Variants in RFTN1 observed in about 807,000 individuals in gnomAD.
The protein encoded by RFTN1 is raftlin.
In RFTN1, 26 loss-of-function variants were observed where a neutral mutation model predicts 46.5. That is an observed-to-expected ratio of 0.56 (90% CI 0.41 to 0.78). RFTN1 has a LOEUF of 0.78. Among genes scored for constraint, RFTN1 ranks in the 30% least tolerant of loss-of-function variants. The probability of loss-of-function intolerance (pLI) is 0.00; values close to 1 mark genes in which losing one functional copy is unlikely to be tolerated. For missense variants in RFTN1, 693 were observed against 718.7 expected (o/e 0.96, Z 0.41); for synonymous variants, 261 against 284.2 (o/e 0.92, Z 0.82).
chr3:16,406,248 G>A (rs1295042989), intron 4 of RFTN1, among the ~76,000 whole-genome samples: 1 of 152,192 alleles, frequency 6.6e-6, no homozygotes, highest in Admixed American at 6.5e-5. Context: ...AAGAGGAGCA[G>A]GGAGAAGGGG....
rs1044792266 is a variant in RFTN1 at position 16,500,972 on chromosome 3, C to T, written c.-8-7095G>A. On this transcript the variant is annotated intron_variant, in intron 1 of 9. Coordinates refer to ENST00000334133, the MANE Select transcript of RFTN1 (RefSeq NM_015150.2). The surrounding 1 kb of genome is among the most constrained non-coding windows in gnomAD (Gnocchi z 5.9). ...GAATGCGGGAGCATTCGGAACAAATCGCTGTTATATAAAACAGAGATGGGT... is the reference window on the plus strand; with the variant it reads ...GAATGCGGGAGCATTCGGAACAAATTGCTGTTATATAAAACAGAGATGGGT... 3.3e-5 allele frequency among the ~76,000 whole-genome samples: 5 copies of T among 152,176 alleles called. No individual in the cohort carries two copies. Among genetic ancestry groups the T allele is most frequent in the Admixed American group, 2.6e-4 (4 of 15,276 alleles).
intron 4 of RFTN1, among the ~76,000 whole-genome samples, chr3:16,386,931 C>A (rs712875): frequency 0.54 from 82,796 of 152,028 alleles, 23,987 homozygotes; most frequent in South Asian, 0.87. Flanking sequence ...CCATGGGATG[C>A]TGATTTGTCA....
intron 2 of RFTN1, among the ~76,000 whole-genome samples, chr3:16,469,631 G>A (rs79858553): frequency 2.0e-5 from 3 of 152,206 alleles, no homozygotes; most frequent in East Asian, 1.9e-4. Context: ...CAGAGGGAAG[G>A]GGGGAAGAGA....
At position 16,452,414 on chromosome 3, in the gene RFTN1, T is replaced by C. The variant is rs922301482; in HGVS notation, c.146-18377A>G. ...TCTCCCTCCATCTTCACAATGTTGA[T>C]TGAAATGCTTAGCTACTGTATCATG... On this transcript the variant is annotated intron_variant, in intron 2 of 9. Transcript: ENST00000334133. The surrounding 1 kb of genome is among the most constrained non-coding windows in gnomAD (Gnocchi z 6.3). Among the ~76,000 whole-genome samples, 13 of 152,208 alleles carry C rather than the reference T, an allele frequency of 8.5e-5. No homozygotes were observed. Among genetic ancestry groups the C allele is most frequent in the African/African-American group, 1.9e-4 (8 of 41,452 alleles).
At chr3:16,411,917 A>G (rs2074987611) in intron 3 of RFTN1, among the ~76,000 whole-genome samples, 1 of 152,238 alleles carries the variant, frequency 6.6e-6, no homozygotes, top group Non-Finnish European at 1.5e-5. Flanking sequence ...GATGAACAAA[A>G]GGAAGACAAG....
intron 2 of RFTN1, among the ~76,000 whole-genome samples, chr3:16,471,192 G>A (rs892824965): frequency 1.3e-5 from 2 of 152,188 alleles, no homozygotes; most frequent in South Asian, 2.1e-4. Flanking sequence ...AGACAAAAAT[G>A]TGTGACTATA....
At chr3:16,409,552 T>C (rs1413837724) in intron 3 of RFTN1, 69 bp from the exon 4 acceptor site, 13 of 1,105,494 alleles carry the variant, frequency 1.2e-5, no homozygotes, top group Non-Finnish European at 1.8e-5. Flanking sequence ...AGTCTCACTC[T>C]TGTCACCCAG....
At chr3:16,368,228 G>C (rs948664529) in intron 6 of RFTN1, among the ~76,000 whole-genome samples, 15 of 152,164 alleles carry the variant, frequency 9.9e-5, no homozygotes, top group African/African-American at 3.1e-4. Flanking sequence ...TACCGCCACT[G>C]GTGTTTTATG....
At chr3:16,461,372 T>C (rs992721442) in intron 2 of RFTN1, among the ~76,000 whole-genome samples, 14 of 152,224 alleles carry the variant, frequency 9.2e-5, no homozygotes, top group African/African-American at 2.9e-4. Context: ...GGAATAATTA[T>C]CCATTTTAAA....
In RFTN1 at chr3:16,387,554, C is replaced by T. The variant is rs904638864; in HGVS notation, c.442-9452G>A. On this transcript the variant is annotated intron_variant, in intron 4 of 9. Transcript: ENST00000334133. The surrounding 1 kb of genome is among the most constrained non-coding windows in gnomAD (Gnocchi z 5.2). Reference sequence around the variant, plus strand: ...CAGCTCTACTTAGGACCACTTCTCTCTTCTATATCCTCAATTTCTCTCTCT... The same window carrying T: ...CAGCTCTACTTAGGACCACTTCTCTTTTCTATATCCTCAATTTCTCTCTCT... Among the ~76,000 whole-genome samples, 1 of 143,940 alleles carries T rather than the reference C, an allele frequency of 6.9e-6. No homozygotes were observed. The highest frequency in any genetic ancestry group is 1.5e-5 in the Non-Finnish European group (1 of 66,028). 94.4% of individuals were successfully genotyped at this position (143,940 alleles called of 152,430 possible).
rs889669884 is a variant in RFTN1 at position 16,509,757 on chromosome 3, C to T, written c.-9+3685G>A. On this transcript the variant is annotated intron_variant, in intron 1 of 9. Coordinates refer to ENST00000334133, the MANE Select transcript of RFTN1 (RefSeq NM_015150.2). The surrounding 1 kb of genome is among the most constrained non-coding windows in gnomAD (Gnocchi z 4.9). ...CTGTCAACCTCCAGAGAGGCGATCACCCAGATGGGTATCACGAGTCACGAA... is the reference window on the plus strand; with the variant it reads ...CTGTCAACCTCCAGAGAGGCGATCATCCAGATGGGTATCACGAGTCACGAA... Among the ~76,000 whole-genome samples, 18 of 152,290 alleles carry T rather than the reference C, an allele frequency of 1.2e-4. No individual in the cohort carries two copies. The highest frequency in any genetic ancestry group is 4.1e-4 in the African/African-American group (17 of 41,552).
At chr3:16,414,258 A>G (rs190100284) in intron 3 of RFTN1, among the ~76,000 whole-genome samples, 34 of 151,728 alleles carry the variant, frequency 2.2e-4, no homozygotes, top group African/African-American at 7.2e-4. Flanking sequence ...GACATGCATG[A>G]GCACCTAACA....
chr3:16,389,495 CG>C (rs11367496), intron 4 of RFTN1, among the ~76,000 whole-genome samples: 121,921 of 151,936 alleles, frequency 0.8, 49,311 homozygotes, highest in African/African-American at 0.91. Flanking sequence ...GGTTTTTTTT[CG>C]GGGGGGAGGG....
chr3:16,319,941 G>A (rs1317800603), intron 9 of RFTN1, among the ~76,000 whole-genome samples: 8 of 152,024 alleles, frequency 5.3e-5, no homozygotes. Flanking sequence ...TAACCAGCAA[G>A]CCGCAGATAA....
chr3:16,380,562 G>A lies in RFTN1; in HGVS notation c.442-2460C>T, dbSNP rs2073952030. ...TCTTGTACTGCAAATTTATCCTCTA[G>A]GCCAGGGGTTCTCAAAGTGTGGGCC... On this transcript the variant is annotated intron_variant, in intron 4 of 9. Transcript: ENST00000334133. The surrounding 1 kb of genome is among the most constrained non-coding windows in gnomAD (Gnocchi z 4.8). Among the ~76,000 whole-genome samples, 1 of 152,150 alleles carries A rather than the reference G, an allele frequency of 6.6e-6. No individual in the cohort carries two copies. The highest frequency in any genetic ancestry group is 1.5e-5 in the Non-Finnish European group (1 of 68,040).
Position 16,451,096 on chromosome 3 carries a change from A to G in RFTN1, c.146-17059T>C, listed in dbSNP as rs965457501. ...GGCTTGGATAAACTCTCATTATGAG[A>G]AAACATGCAGACAGAAGATCAGGTC... On this transcript the variant is annotated intron_variant, in intron 2 of 9. Coordinates refer to ENST00000334133, the MANE Select transcript of RFTN1 (RefSeq NM_015150.2). This position sits in a 1 kb window ranked among gnomAD's most constrained non-coding sequence, Gnocchi z 4.2. 6.6e-6 allele frequency among the ~76,000 whole-genome samples: 1 copy of G among 152,206 alleles called. No homozygotes were observed. The highest frequency in any genetic ancestry group is 1.5e-5 in the Non-Finnish European group (1 of 68,040).
rs1385379479 is a variant in RFTN1, at chr3:16,387,913, CCA to C, written c.442-9813_442-9812del. 2.0e-5 allele frequency among the ~76,000 whole-genome samples: 3 copies of C among 152,188 alleles called. No homozygotes were observed. Among genetic ancestry groups the C allele is most frequent in the Non-Finnish European group, 4.4e-5 (3 of 68,038 alleles). On this transcript the variant is annotated intron_variant, in intron 4 of 9. Transcript: ENST00000334133. The surrounding 1 kb of genome is among the most constrained non-coding windows in gnomAD (Gnocchi z 5.2). ...GAGATGCTCTTCCTTGGCCTCACCA[CCA>C]CCTTTCTGCTGGTTTTCTTCCTGCA...
chr3:16,476,946 C>T (rs749161409), intron 2 of RFTN1, among the ~76,000 whole-genome samples: 13 of 152,152 alleles, frequency 8.5e-5, no homozygotes, highest in African/African-American at 1.4e-4. Context: ...AGTCATAAGG[C>T]GGATGACGAC....
chr3:16,404,968 TGA>T (rs1193014181), intron 4 of RFTN1, among the ~76,000 whole-genome samples: 1 of 152,174 alleles, frequency 6.6e-6, no homozygotes, highest in African/African-American at 2.4e-5. Flanking sequence ...ATGGAACTTT[TGA>T]GAGACCAGAA....
Sources: allele counts gnomAD v4.1 joint callset (sites outside exome capture counted in the v4.1 genomes callset), GRCh38; gene constraint gnomAD v4.1.1; non-coding constraint Gnocchi (gnomAD v3.1); transcripts MANE v1.5; gene names NCBI Gene and HGNC (gene_info 2026-07-23, HGNC 2026-07-21).